AKAP7: variants seen among roughly 807,000 people sequenced by gnomAD.
AKAP7 encodes the protein A-kinase anchoring protein 7, also known as A kinase (PRKA) anchor protein 7.
A neutral mutation model predicts 39.5 loss-of-function variants in AKAP7; 39 were observed. That is an observed-to-expected ratio of 0.99 (90% CI 0.76 to 1.29). The LOEUF is 1.29. Ranked by LOEUF, AKAP7 falls within the 50% of genes most tolerant of loss-of-function variation. The pLI is 0.00. For synonymous variants in AKAP7, 140 were observed against 139.1 expected, an observed-to-expected ratio of 1.01 and a Z score of -0.05; for missense variants, 414 against 407.7, an observed-to-expected ratio of 1.02 and a Z score of -0.13.
At chr6:131,254,366 A>G (rs1812682612) in intron 7 of AKAP7, among the ~76,000 whole-genome samples, 1 of 152,236 alleles carries the variant, frequency 6.6e-6, no homozygotes, top group Non-Finnish European at 1.5e-5. Context: ...AGGAATGTCT[A>G]TCATGAACAG....
At chr6:131,203,307 A>G (rs1020235035) in intron 6 of AKAP7, among the ~76,000 whole-genome samples, 1 of 152,088 alleles carries the variant, frequency 6.6e-6, no homozygotes, top group Admixed American at 6.5e-5. Context: ...ATTTTCTTCT[A>G]GATTTTTGTT....
chr6:131,266,785 T>C (rs1373840849), intron 7 of AKAP7, among the ~76,000 whole-genome samples: 1 of 152,168 alleles, frequency 6.6e-6, no homozygotes, highest in African/African-American at 2.4e-5. Context: ...TGACCCTTTC[T>C]CTTGATTTTG....
chr6:131,141,036 T>G (rs1292248781), intron 1 of AKAP7, among the ~76,000 whole-genome samples: 1 of 152,208 alleles, frequency 6.6e-6, no homozygotes, highest in Non-Finnish European at 1.5e-5. Flanking sequence ...GTAACATTAT[T>G]AAGAATGTAC....
At chr6:131,169,391 T>C in intron 5 of AKAP7, 118 bp downstream of exon 5, 1 of 1,127,836 alleles carries the variant, frequency 8.9e-7, no homozygotes, top group South Asian at 1.4e-5. Context: ...GACTCAAGTA[T>C]TTTTTAGGAC....
intron 1 of AKAP7, among the ~76,000 whole-genome samples, chr6:131,136,597 G>A (rs141896779): frequency 7.2e-4 from 109 of 152,322 alleles, no homozygotes; most frequent in African/African-American, 2.4e-3. Context: ...CCTTGTTTAA[G>A]TGCCGTGGCT....
intron 7 of AKAP7, among the ~76,000 whole-genome samples, chr6:131,280,889 T>C (rs1320130055): frequency 2.0e-5 from 3 of 152,232 alleles, no homozygotes; most frequent in African/African-American, 7.2e-5. Flanking sequence ...TATTTACATC[T>C]AGTAATTTAT....
chr6:131,158,355 T>TA (rs1802609240), intron 2 of AKAP7, among the ~76,000 whole-genome samples: 1 of 152,238 alleles, frequency 6.6e-6, no homozygotes, highest in Admixed American at 6.5e-5. Flanking sequence ...TGCAGGCAGT[T>TA]ACTGTGGTCT....
At chr6:131,274,663 C>T (rs1008363265) in intron 7 of AKAP7, among the ~76,000 whole-genome samples, 6 of 152,108 alleles carry the variant, frequency 3.9e-5, no homozygotes, top group African/African-American at 1.4e-4. Context: ...TGTCCCTCTT[C>T]AGTCCACAGC....
intron 7 of AKAP7, among the ~76,000 whole-genome samples, chr6:131,274,242 T>A (rs1814556912): frequency 6.6e-6 from 1 of 152,200 alleles, no homozygotes; most frequent in South Asian, 2.1e-4. Flanking sequence ...ACATTTCTTC[T>A]CAAGAATCAC....
chr6:131,236,554 A>G (rs1206436477), intron 7 of AKAP7, among the ~76,000 whole-genome samples: 1 of 152,168 alleles, frequency 6.6e-6, no homozygotes, highest in Non-Finnish European at 1.5e-5. Context: ...ATGTTCTTCC[A>G]TTTGTTTGTA....
chr6:131,199,383 A>G (rs1807290355), intron 5 of AKAP7, 78 bp from the exon 6 acceptor site: 7 of 936,448 alleles, frequency 7.5e-6, no homozygotes, highest in Non-Finnish European at 3.3e-6. Flanking sequence ...GATTGTTTGA[A>G]CTGGTATTTT....
intron 7 of AKAP7, among the ~76,000 whole-genome samples, chr6:131,264,569 A>T (rs1175125155): frequency 6.6e-6 from 1 of 152,148 alleles, no homozygotes; most frequent in Non-Finnish European, 1.5e-5. Context: ...TATCAGGAAG[A>T]TCATAAATAA....
At chr6:131,229,731 A>G (rs1428472429) in intron 7 of AKAP7, among the ~76,000 whole-genome samples, 1 of 152,218 alleles carries the variant, frequency 6.6e-6, no homozygotes, top group African/African-American at 2.4e-5. Flanking sequence ...ACTTAAAAGT[A>G]TACAACTAGA....
At chr6:131,135,242 G>A (rs910563853), upstream of AKAP7, among the ~76,000 whole-genome samples, 1 of 152,214 alleles carries the variant, frequency 6.6e-6, no homozygotes, top group Non-Finnish European at 1.5e-5. Flanking sequence ...GAAAGCGTGG[G>A]AGGGGCAAGG....
intron 2 of AKAP7, among the ~76,000 whole-genome samples, chr6:131,145,931 T>G (rs1465932169): frequency 6.6e-6 from 1 of 152,194 alleles, no homozygotes; most frequent in South Asian, 2.1e-4. Flanking sequence ...TATAATAATA[T>G]CTGTGATAAA....
chr6:131,282,475 G>GAAAC lies in AKAP7; in HGVS notation c.*751_*754dup. 1 of 1,535,670 alleles carries GAAAC rather than the reference G, an allele frequency of 6.5e-7. No individual in the cohort carries two copies. The highest frequency in any genetic ancestry group is 8.7e-7 in the Non-Finnish European group (1 of 1,146,660). The stretch of plus-strand genomic sequence containing the variant: ...AAACGATGGGTCTGAAGTCCAAAGT[G>GAAAC]AAACAGATAAAGGAACTTTTATTAA... On this transcript the variant is annotated 3_prime_UTR_variant, in exon 8 of 8. Coordinates refer to ENST00000431975, the MANE Select transcript of AKAP7 (RefSeq NM_016377.4).
chr6:131,180,553 A>C (rs1805082128), intron 5 of AKAP7, among the ~76,000 whole-genome samples: 1 of 152,120 alleles, frequency 6.6e-6, no homozygotes, highest in South Asian at 2.1e-4. Flanking sequence ...TCCTACCTAG[A>C]ATCTTTAAAA....
intron 7 of AKAP7, among the ~76,000 whole-genome samples, chr6:131,241,201 A>T (rs1367822985): frequency 1.3e-5 from 2 of 152,194 alleles, no homozygotes. Context: ...CAGGAAACTG[A>T]TCAGCAAGAC....
intron 5 of AKAP7, among the ~76,000 whole-genome samples, chr6:131,190,230 C>G (rs937911605): frequency 2.0e-5 from 3 of 152,088 alleles, no homozygotes; most frequent in Non-Finnish European, 1.5e-5. Flanking sequence ...ATCAAAAGTT[C>G]TTTGTGACAA....
Sources: allele counts gnomAD v4.1 joint callset (sites outside exome capture counted in the v4.1 genomes callset), GRCh38; gene constraint gnomAD v4.1.1; transcripts MANE v1.5; gene names NCBI Gene and HGNC (gene_info 2026-07-23, HGNC 2026-07-21).